Variants in OVCH1 observed in about 807,000 individuals in gnomAD.
OVCH1 encodes ovochymase-1.
OVCH1 carries 139 observed loss-of-function variants against 138.4 expected under a neutral mutation model. The ratio of observed to expected loss-of-function variants is 1.00; its 90% confidence interval spans 0.87 to 1.16. OVCH1 has a LOEUF of 1.16. OVCH1 is among the 50% of genes most tolerant of loss of function. OVCH1 has a pLI of 0.00. For synonymous variants in OVCH1, 453 were observed against 467.8 expected (o/e 0.97, Z 0.41); for missense variants, 1,367 against 1,357.9 (o/e 1.01, Z -0.11).
chr12:29,409,034 TG>T (rs1400675208), downstream of OVCH1, among the ~76,000 whole-genome samples: 7 of 152,198 alleles, frequency 4.6e-5, no homozygotes, highest in Non-Finnish European at 8.8e-5. Context: ...GGTTTAGTCT[TG>T]GGAGAGTGTA....
At chr12:29,428,334 T>A (rs1941212995) in intron 27 of OVCH1, among the ~76,000 whole-genome samples, 1 of 152,170 alleles carries the variant, frequency 6.6e-6, no homozygotes, top group Admixed American at 6.5e-5. Context: ...TTAGACCCTC[T>A]CCAAAATTAC....
At chr12:29,468,091 T>G (rs1280680906) in intron 16 of OVCH1, among the ~76,000 whole-genome samples, 1 of 152,184 alleles carries the variant, frequency 6.6e-6, no homozygotes, top group African/African-American at 2.4e-5. Context: ...TAAGATATAA[T>G]GTTATGTGCA....
At chr12:29,433,160 T>C (rs1941299333) in intron 27 of OVCH1, among the ~76,000 whole-genome samples, 1 of 152,200 alleles carries the variant, frequency 6.6e-6, no homozygotes, top group African/African-American at 2.4e-5. Flanking sequence ...TTTTTTTCTT[T>C]ATAACTGATA....
chr12:29,493,500 C>T (rs575186796), intron 4 of OVCH1, among the ~76,000 whole-genome samples: 3 of 152,090 alleles, frequency 2.0e-5, no homozygotes, highest in East Asian at 1.9e-4. Context: ...AATATCCATA[C>T]TCTTTCTAAA....
intron 16 of OVCH1, among the ~76,000 whole-genome samples, chr12:29,468,780 T>G (rs1379933713): frequency 1.3e-5 from 2 of 152,142 alleles, no homozygotes; most frequent in Non-Finnish European, 2.9e-5. Context: ...TACAGATAGA[T>G]ATATTTATAT....
At chr12:29,440,938 T>C (rs1941469059) in intron 25 of OVCH1, among the ~76,000 whole-genome samples, 194 bp from the exon 26 acceptor site, 1 of 152,190 alleles carries the variant, frequency 6.6e-6, no homozygotes, top group Admixed American at 6.6e-5. Flanking sequence ...ATACATCCTC[T>C]TTCTCTGGGC....
At chr12:29,481,536 G>C (rs1178268604) in intron 8 of OVCH1, among the ~76,000 whole-genome samples, 1 of 152,194 alleles carries the variant, frequency 6.6e-6, no homozygotes, top group Non-Finnish European at 1.5e-5. Flanking sequence ...AAGACATCCA[G>C]TGTAAATTCC....
intron 16 of OVCH1, 111 bp from the exon 17 acceptor site, chr12:29,465,330 G>A: frequency 1.1e-6 from 1 of 878,268 alleles, no homozygotes; most frequent in Non-Finnish European, 1.7e-6. Flanking sequence ...AAGACGTTCT[G>A]AGGAAAAGAG....
rs138910320 is a variant in OVCH1, at chr12:29,497,592, G to A, written c.64+31C>T. The A allele has an allele frequency of 2.4e-5, 38 of 1,611,852 alleles. No homozygotes were observed. In the African/African-American group the frequency reaches 4.1e-4, roughly 18 times the overall value. ...CTCTCCAGCACGCTCAGCCTCCTCCGCAGTCCTGGTGCCCAGGTCCCTAGG... is the reference window on the plus strand; with the variant it reads ...CTCTCCAGCACGCTCAGCCTCCTCCACAGTCCTGGTGCCCAGGTCCCTAGG... On this transcript the variant is annotated intron_variant, in intron 1 of 27. Coordinates refer to ENST00000318184, the Ensembl canonical transcript of OVCH1.
chr12:29,472,608 C>A (rs766774097), intron 15 of OVCH1, among the ~76,000 whole-genome samples: 3 of 152,168 alleles, frequency 2.0e-5, no homozygotes, highest in Non-Finnish European at 4.4e-5. Flanking sequence ...TCAACTTGAA[C>A]ATATTCAATA....
At position 29,492,821 on chromosome 12, in the gene OVCH1, G is replaced by A. The variant is rs141522459; in HGVS notation, c.455-1629C>T. 9.2e-5 allele frequency among the ~76,000 whole-genome samples: 14 copies of A among 152,196 alleles called. No individual in the cohort carries two copies. In the East Asian group the frequency reaches 2.3e-3, roughly 25 times the overall value. The stretch of plus-strand genomic sequence containing the variant: ...GGGCACTCCAACAATATGAAGTCAA[G>A]GAGAAGAGGAAGAATCATCATAGAA... On this transcript the variant is annotated intron_variant, in intron 4 of 27. Coordinates refer to ENST00000318184, the Ensembl canonical transcript of OVCH1.
chr12:29,472,977 G>C, intron 15 of OVCH1, 52 bp downstream of exon 15: 1 of 1,469,846 alleles, frequency 6.8e-7, no homozygotes, highest in Non-Finnish European at 9.4e-7. Flanking sequence ...GAGACATCTA[G>C]TTAATGAAGA....
chr12:29,431,120 C>A (rs1385655074), intron 27 of OVCH1, among the ~76,000 whole-genome samples: 1 of 152,032 alleles, frequency 6.6e-6, no homozygotes, highest in East Asian at 1.9e-4. Flanking sequence ...TAGAAAGTTT[C>A]AAAAATAGAG....
At chr12:29,452,791 A>T (rs568086759) in intron 21 of OVCH1, among the ~76,000 whole-genome samples, 3 of 152,340 alleles carry the variant, frequency 2.0e-5, no homozygotes, top group Non-Finnish European at 4.4e-5. Context: ...AGATTCATTA[A>T]TTCCCTAGTG....
exon 11 of OVCH1, chr12:29,477,465 T>G: frequency 6.2e-7 from 1 of 1,613,918 alleles, no homozygotes; most frequent in Non-Finnish European, 8.5e-7. Context: ...GCAATATTTT[T>G]CCACAGACCT....
chr12:29,496,474 T>A (rs556366872), intron 2 of OVCH1, 82 bp downstream of exon 2: 1 of 1,316,326 alleles, frequency 7.6e-7, no homozygotes, highest in African/African-American at 1.5e-5. Context: ...AAACTACATA[T>A]CAACGTGCAT....
chr12:29,440,274 A>G (rs1399280750), intron 25 of OVCH1, among the ~76,000 whole-genome samples: 1 of 152,190 alleles, frequency 6.6e-6, no homozygotes, highest in African/African-American at 2.4e-5. Context: ...GGAGAAGGAA[A>G]TAGAAAACAG....
chr12:29,427,685 G>C, intron 27 of OVCH1: 1 of 1,543,314 alleles, frequency 6.5e-7, no homozygotes. Context: ...AAACCACTCA[G>C]TCTATGGTAT....
intron 3 of OVCH1, among the ~76,000 whole-genome samples, chr12:29,419,823 CAAA>C (rs1419738160): frequency 9.9e-5 from 15 of 152,144 alleles, no homozygotes; most frequent in Non-Finnish European, 1.9e-4. Flanking sequence ...AATCAAAACT[CAAA>C]ATTATGATTC....
Sources: gnomAD v4.1 joint callset for allele counts (sites outside exome capture counted in the v4.1 genomes callset) on GRCh38, gnomAD v4.1.1 for gene constraint, MANE v1.5 for transcripts, NCBI Gene and HGNC (gene_info 2026-07-23, HGNC 2026-07-21) for gene names.